MCUB: variants seen among roughly 807,000 people sequenced by gnomAD.
MCUB encodes mitochondrial calcium uniporter dominant negative subunit beta, also known as calcium uniporter regulatory subunit MCUb, mitochondrial.
Under a neutral mutation model 41.4 loss-of-function variants are expected in MCUB, and 46 were observed. The ratio of observed to expected loss-of-function variants is 1.11; its 90% CI spans 0.88 to 1.42. The LOEUF is 1.42. MCUB is among the 40% of genes most tolerant of loss of function. The pLI, the probability that MCUB is intolerant of heterozygous loss-of-function variation, is 0.00. For synonymous variants in MCUB, 148 were observed against 148.2 expected (o/e 1.00, Z 0.01); for missense variants, 403 against 404.9 (o/e 1.00, Z 0.04).
chr4:109,569,400 TTCATA>T (rs1246808428), intron 1 of MCUB, among the ~76,000 whole-genome samples: 1 of 152,102 alleles, frequency 6.6e-6, no homozygotes, highest in Admixed American at 6.6e-5. Context: ...CAGATATACT[TTCATA>T]TCAGGATTTT....
intron 4 of MCUB, among the ~76,000 whole-genome samples, chr4:109,670,374 C>T (rs771711072): frequency 2.6e-5 from 4 of 151,868 alleles, no homozygotes; most frequent in Middle Eastern, 3.2e-3. Context: ...AAATCCCAAT[C>T]GGTTAGGCTC....
At chr4:109,681,778 T>A (rs1238578609) in intron 4 of MCUB, among the ~76,000 whole-genome samples, 1 of 152,168 alleles carries the variant, frequency 6.6e-6, no homozygotes, top group Non-Finnish European at 1.5e-5. Flanking sequence ...AGAATGTAAG[T>A]CAGCAGCGAG....
intron 1 of MCUB, among the ~76,000 whole-genome samples, chr4:109,633,366 C>T (rs1728518594): frequency 6.6e-6 from 1 of 152,030 alleles, no homozygotes; most frequent in Non-Finnish European, 1.5e-5. Flanking sequence ...CTCCCGGGTT[C>T]ACGCCATTGT....
In MCUB at chr4:109,585,181, G is replaced by A. The variant is rs554708239; in HGVS notation, c.99+24745G>A. On this transcript the variant is annotated intron_variant, in intron 1 of 7. Coordinates refer to ENST00000394650, the MANE Select transcript of MCUB (RefSeq NM_017918.5). ...GATAGTTAGCTCTTCTTGTTCAATCGATTCCTTTACCATTAGGCAATGGCC... is the reference window on the plus strand; with the variant it reads ...GATAGTTAGCTCTTCTTGTTCAATCAATTCCTTTACCATTAGGCAATGGCC... Among the ~76,000 whole-genome samples the A allele has an allele frequency of 5.9e-5, 9 of 152,236 alleles. No individual in the cohort carries two copies. The South Asian group carries it at 1.5e-3, about 25-fold the overall frequency.
chr4:109,658,391 G>A (rs1483299314), intron 1 of MCUB, among the ~76,000 whole-genome samples: 1 of 151,910 alleles, frequency 6.6e-6, no homozygotes, highest in Non-Finnish European at 1.5e-5. Flanking sequence ...TCCACCTCCC[G>A]GGTTCAAGTG....
At chr4:109,633,887 C>G (rs913824621) in intron 1 of MCUB, among the ~76,000 whole-genome samples, 1 of 151,844 alleles carries the variant, frequency 6.6e-6, no homozygotes, top group African/African-American at 2.4e-5. Context: ...CCCACCATCC[C>G]GCCCATGTAC....
chr4:109,569,658 C>A (rs974403492), intron 1 of MCUB, among the ~76,000 whole-genome samples: 1 of 151,924 alleles, frequency 6.6e-6, no homozygotes, highest in African/African-American at 2.4e-5. Context: ...TGCCTGCCAC[C>A]ACACCTGGCT....
At chr4:109,619,182 T>G (rs1728199372) in intron 1 of MCUB, among the ~76,000 whole-genome samples, 1 of 152,116 alleles carries the variant, frequency 6.6e-6, no homozygotes, top group African/African-American at 2.4e-5. Context: ...TTCTCCTGCC[T>G]CAGCCTCCTC....
intron 1 of MCUB, 42 bp from the exon 2 acceptor site, chr4:109,658,969 A>G: frequency 9.6e-7 from 1 of 1,041,858 alleles, no homozygotes; most frequent in Non-Finnish European, 1.5e-6. Context: ...CATCTTTCCC[A>G]CTCTTTTTTT....
chr4:109,592,688 A>AT (rs1727465887), intron 1 of MCUB, among the ~76,000 whole-genome samples: 1 of 152,212 alleles, frequency 6.6e-6, no homozygotes. Flanking sequence ...CAAAAAGTAA[A>AT]TCTACTCTAG....
chr4:109,633,461 A>G (rs972297236), intron 1 of MCUB, among the ~76,000 whole-genome samples: 1 of 151,806 alleles, frequency 6.6e-6, no homozygotes, highest in Admixed American at 6.6e-5. Flanking sequence ...AGTAGAGACA[A>G]GGTTTCACAG....
chr4:109,626,999 G>T (rs551166113), intron 1 of MCUB, among the ~76,000 whole-genome samples: 1 of 152,054 alleles, frequency 6.6e-6, no homozygotes, highest in Non-Finnish European at 1.5e-5. Context: ...ACATTAAGGG[G>T]TAAATAGAAC....
At chr4:109,586,670 ATTCCTTTCTGTTTGTTAGTTTTCC>A (rs1422384292) in intron 1 of MCUB, among the ~76,000 whole-genome samples, 1 of 152,142 alleles carries the variant, frequency 6.6e-6, no homozygotes, top group Non-Finnish European at 1.5e-5. Flanking sequence ...TGTTGATGCT[ATTCCTTTCTGTTTGTTAGTTTTCC>A]TTCTAACAGT....
chr4:109,681,475 T>A (rs1335076072), intron 4 of MCUB: 3 of 453,964 alleles, frequency 6.6e-6, no homozygotes. Context: ...ACTCCCAAGA[T>A]GGTCGTGGGC....
chr4:109,667,567 C>T (rs1729370731), intron 4 of MCUB, among the ~76,000 whole-genome samples: 1 of 150,282 alleles, frequency 6.7e-6, no homozygotes, highest in Non-Finnish European at 1.5e-5. Context: ...TGTGGGTTTC[C>T]TGTTCTCAAT....
intron 1 of MCUB, among the ~76,000 whole-genome samples, chr4:109,578,449 G>A (rs1167577906): frequency 6.6e-6 from 1 of 151,808 alleles, no homozygotes; most frequent in Non-Finnish European, 1.5e-5. Context: ...TTAGTAGGTA[G>A]TCGAGCCAGG....
intron 1 of MCUB, among the ~76,000 whole-genome samples, chr4:109,611,263 T>C (rs780875732): frequency 6.6e-6 from 1 of 152,238 alleles, no homozygotes; most frequent in Non-Finnish European, 1.5e-5. Context: ...CCTGGCACTT[T>C]GGAACTTAGC....
intron 3 of MCUB, among the ~76,000 whole-genome samples, chr4:109,661,865 T>C (rs905946573): frequency 1.3e-5 from 2 of 152,196 alleles, no homozygotes; most frequent in Non-Finnish European, 2.9e-5. Flanking sequence ...AAACCCCTTC[T>C]CTACTAATAA....
chr4:109,609,052 C>G (rs947121680), intron 1 of MCUB, among the ~76,000 whole-genome samples: 1 of 131,824 alleles, frequency 7.6e-6, no homozygotes, highest in African/African-American at 2.7e-5. Context: ...GTTGCTTTCT[C>G]CAGACAAATG....
Sources: gnomAD v4.1 joint callset for allele counts (sites outside exome capture counted in the v4.1 genomes callset) on GRCh38, gnomAD v4.1.1 for gene constraint, MANE v1.5 for transcripts, NCBI Gene and HGNC (gene_info 2026-07-23, HGNC 2026-07-21) for gene names.